Variants in CHL1 observed in about 807,000 individuals in gnomAD.
CHL1 encodes neural cell adhesion molecule L1-like protein.
CHL1 carries 96 observed loss-of-function variants against 141.9 expected under a neutral mutation model. That is an observed-to-expected ratio of 0.68 (90% CI 0.57 to 0.80). The LOEUF is 0.80. Ranked by LOEUF, CHL1 falls within the 30% of genes least tolerant of loss-of-function variation. The pLI, the probability that CHL1 is intolerant of heterozygous loss-of-function variation, is 0.00. For synonymous variants in CHL1, 613 were observed against 502.2 expected, an observed-to-expected ratio of 1.22 and a Z score of -2.95; for missense variants, 1,820 against 1,457.2, an observed-to-expected ratio of 1.25 and a Z score of -4.05.
intron 2 of CHL1, among the ~76,000 whole-genome samples, chr3:304,454 C>G (rs1417784854): frequency 6.6e-6 from 1 of 152,198 alleles, no homozygotes; most frequent in Non-Finnish European, 1.5e-5. Context: ...TGACTTCTTC[C>G]TGGCTTAGAC....
chr3:302,718 C>A (rs1473215870), intron 2 of CHL1, among the ~76,000 whole-genome samples: 1 of 152,126 alleles, frequency 6.6e-6, no homozygotes, highest in East Asian at 1.9e-4. Context: ...ATGATAGTTT[C>A]TTTTGCTGTG....
At chr3:289,420 G>C (rs1251432630) in intron 2 of CHL1, among the ~76,000 whole-genome samples, 1 of 148,578 alleles carries the variant, frequency 6.7e-6, no homozygotes, top group African/African-American at 2.6e-5. Flanking sequence ...TGTGGTTTTT[G>C]CCATTAATAA....
At chr3:279,661 T>A (rs1696460730) in intron 2 of CHL1, among the ~76,000 whole-genome samples, 1 of 152,190 alleles carries the variant, frequency 6.6e-6, no homozygotes, top group African/African-American at 2.4e-5. Flanking sequence ...TGGAAATTGA[T>A]GACTGCTATT....
chr3:393,491 G>T (rs1055798191), intron 23 of CHL1, among the ~76,000 whole-genome samples: 1 of 151,998 alleles, frequency 6.6e-6, no homozygotes, highest in African/African-American at 2.4e-5. Context: ...TTAAAAACAA[G>T]TTCTTAGAAT....
intron 2 of CHL1, among the ~76,000 whole-genome samples, chr3:278,355 T>C (rs984897454): frequency 6.6e-6 from 1 of 152,072 alleles, no homozygotes; most frequent in African/African-American, 2.4e-5. Context: ...ACAATCCCCA[T>C]TGCGCTAAGT....
intron 1 of CHL1, among the ~76,000 whole-genome samples, chr3:230,027 G>A (rs538660425): frequency 6.6e-6 from 1 of 152,222 alleles, no homozygotes; most frequent in Admixed American, 6.5e-5. Flanking sequence ...GTATTATAAA[G>A]GCCCAATAAG....
At chr3:387,499 A>G (rs1707848489) in intron 19 of CHL1, among the ~76,000 whole-genome samples, 3 of 152,210 alleles carry the variant, frequency 2.0e-5, no homozygotes, top group Non-Finnish European at 4.4e-5. Flanking sequence ...GGCCGCTAAT[A>G]TAGCTAAAAT....
At chr3:391,954 G>C (rs1049610377) in intron 23 of CHL1, among the ~76,000 whole-genome samples, 157 bp downstream of exon 23, 4 of 152,148 alleles carry the variant, frequency 2.6e-5, no homozygotes, top group Admixed American at 2.0e-4. Context: ...TGGCTTGCAG[G>C]CCAAATTCAG....
intron 2 of CHL1, among the ~76,000 whole-genome samples, chr3:295,713 C>A (rs1479588042): frequency 6.6e-6 from 1 of 152,166 alleles, no homozygotes; most frequent in South Asian, 2.1e-4. Flanking sequence ...GACAATTAAA[C>A]ACAATTTTCT....
intron 2 of CHL1, among the ~76,000 whole-genome samples, chr3:283,261 A>G (rs916038092): frequency 1.3e-5 from 2 of 152,246 alleles, no homozygotes; most frequent in Admixed American, 6.5e-5. Flanking sequence ...ATTAGCCTGC[A>G]GTCTTCCCCT....
At chr3:219,008 G>A (rs1700578937) in intron 1 of CHL1, among the ~76,000 whole-genome samples, 1 of 152,178 alleles carries the variant, frequency 6.6e-6, no homozygotes, top group South Asian at 2.1e-4. Context: ...AATTAGCTGG[G>A]CATGGTGGCG....
intron 14 of CHL1, chr3:364,142 T>A (rs1394820488): frequency 1.3e-5 from 2 of 152,122 alleles, no homozygotes; most frequent in Non-Finnish European, 2.9e-5. Flanking sequence ...TTCCCATATA[T>A]ATCCTTCCTT....
chr3:354,402 A>G (rs1703520666), intron 10 of CHL1, among the ~76,000 whole-genome samples: 1 of 148,128 alleles, frequency 6.8e-6, no homozygotes, highest in Admixed American at 7.0e-5. Flanking sequence ...ATGTTGATGT[A>G]TGATACATGC....
chr3:224,345 A>T (rs746930709), intron 1 of CHL1, among the ~76,000 whole-genome samples: 1 of 152,166 alleles, frequency 6.6e-6, no homozygotes, highest in Non-Finnish European at 1.5e-5. Flanking sequence ...TTTCTCTTTG[A>T]TATAGTTTGA....
At chr3:360,752 C>T (rs1181976093) in intron 12 of CHL1, among the ~76,000 whole-genome samples, 34 of 133,664 alleles carry the variant, frequency 2.5e-4, no homozygotes, top group East Asian at 2.5e-3. Flanking sequence ...TCCCCCCACC[C>T]CACAACAGTC....
intron 1 of CHL1, among the ~76,000 whole-genome samples, chr3:237,198 G>A (rs910513139): frequency 6.6e-6 from 1 of 152,126 alleles, no homozygotes; most frequent in African/African-American, 2.4e-5. Context: ...TTTCCCCCAT[G>A]CTGTTCTCAT....
At chr3:401,292 T>C (rs1709105950) in intron 26 of CHL1, among the ~76,000 whole-genome samples, 1 of 152,168 alleles carries the variant, frequency 6.6e-6, no homozygotes. Context: ...GTAAAATAAA[T>C]ATTTAGTAAT....
chr3:370,738 C>T (rs1349706715), intron 15 of CHL1, among the ~76,000 whole-genome samples: 1 of 152,140 alleles, frequency 6.6e-6, no homozygotes, highest in Admixed American at 6.6e-5. Flanking sequence ...CTGATGTGGG[C>T]ATTTAGTGCT....
At chr3:237,691 G>A (rs982842491) in intron 1 of CHL1, among the ~76,000 whole-genome samples, 1 of 152,114 alleles carries the variant, frequency 6.6e-6, no homozygotes, top group Non-Finnish European at 1.5e-5. Flanking sequence ...TTAATCTTAT[G>A]TAAAATTAAA....
Sources: allele counts gnomAD v4.1 joint callset (sites outside exome capture counted in the v4.1 genomes callset), GRCh38; gene constraint gnomAD v4.1.1; transcripts MANE v1.5; gene names NCBI Gene and HGNC (gene_info 2026-07-23, HGNC 2026-07-21).